LRRC37B: variants seen among roughly 807,000 people sequenced by gnomAD.
LRRC37B encodes leucine-rich repeat-containing protein 37B.
Under a neutral mutation model 98.3 loss-of-function variants are expected in LRRC37B, and 28 were observed. The ratio of observed to expected loss-of-function variants is 0.28; its 90% CI spans 0.21 to 0.39. LRRC37B has a LOEUF of 0.39. LRRC37B is among the 10% of genes least tolerant of loss of function. LRRC37B has a pLI of 1.00. For synonymous variants in LRRC37B, 364 were observed against 442.7 expected, an observed-to-expected ratio of 0.82 and a Z score of 2.23; for missense variants, 938 against 1,182.7, an observed-to-expected ratio of 0.79 and a Z score of 3.03.
chr17:32,007,887 G>A, upstream of LRRC37B: 1 of 983,256 alleles, frequency 1.0e-6, no homozygotes. This position sits in a 1 kb window ranked among gnomAD's most constrained non-coding sequence, Gnocchi z 4.1. Context: ...GGGCGCGGGG[G>A]CAGCCACCTA....
exon 1 of LRRC37B, chr17:32,021,216 G>A: frequency 6.2e-7 from 1 of 1,612,850 alleles, no homozygotes; most frequent in Middle Eastern, 2.0e-4. Flanking sequence ...ACTAGTCAAG[G>A]AGGCTCAGCC....
At position 32,026,281 on chromosome 17, in the gene LRRC37B, G is replaced by A. The variant is rs535603298; in HGVS notation, c.1833-1488G>A. ...TGTAACCCCAGCACCTCGGGAGTTC[G>A]AGGCAGGTGGATCACCTGAAGTCGG... On this transcript the variant is annotated intron_variant, in intron 2 of 11. Coordinates refer to ENST00000327564, the Ensembl canonical transcript of LRRC37B. 3.7e-3 allele frequency among the ~76,000 whole-genome samples: 570 copies of A among 152,276 alleles called. 2 individuals carry two copies. The highest frequency in any genetic ancestry group is 6.0e-3 in the Non-Finnish European group (406 of 68,012).
chr17:32,012,374 T>A (rs1161897103), intron 1 of LRRC37B, among the ~76,000 whole-genome samples: 1 of 152,222 alleles, frequency 6.6e-6, no homozygotes, highest in Non-Finnish European at 1.5e-5. Flanking sequence ...ATTTGACCCC[T>A]TTATCATTCT....
At chr17:32,024,806 G>C (rs760376071) in intron 2 of LRRC37B, 24 bp downstream of exon 5, 2 of 1,596,030 alleles carry the variant, frequency 1.3e-6, no homozygotes, top group Non-Finnish European at 1.7e-6. Flanking sequence ...CTCCAAATAT[G>C]ACAAAAAACT....
intron 7 of LRRC37B, among the ~76,000 whole-genome samples, chr17:32,043,065 TA>T (rs1320000469): frequency 1.3e-5 from 2 of 152,062 alleles, no homozygotes; most frequent in Non-Finnish European, 2.9e-5. Context: ...GAAGGGTCAT[TA>T]TGTCTGCAAC....
At chr17:32,022,595 A>G (rs1311904394) in exon 1 of LRRC37B, 1 of 1,613,998 alleles carries the variant, frequency 6.2e-7, no homozygotes. Flanking sequence ...CTCTGCATCG[A>G]AGCCTGACTG....
At chr17:32,022,050 G>A in exon 1 of LRRC37B, 2 of 1,613,950 alleles carry the variant, frequency 1.2e-6, no homozygotes, top group Non-Finnish European at 1.7e-6. Flanking sequence ...AACCCAGCAG[G>A]AGGCCCCAGC....
At chr17:32,016,308 C>T (rs1246415232), upstream of LRRC37B, among the ~76,000 whole-genome samples, 1 of 152,184 alleles carries the variant, frequency 6.6e-6, no homozygotes, top group Non-Finnish European at 1.5e-5. Flanking sequence ...GAAATTCACT[C>T]CCTTAACCTG....
At chr17:32,021,854 C>T (rs553088945) in exon 1 of LRRC37B, 1 of 1,614,208 alleles carries the variant, frequency 6.2e-7, no homozygotes. Context: ...ATCCCGGCAG[C>T]CTACCTCCAG....
At chr17:32,032,496 T>C (rs1312292732) in intron 5 of LRRC37B, among the ~76,000 whole-genome samples, 1 of 151,364 alleles carries the variant, frequency 6.6e-6, no homozygotes, top group Non-Finnish European at 1.5e-5. Context: ...CAAATCAGAG[T>C]GGGTATATTC....
At chr17:32,013,974 T>C (rs1470797012) in intron 1 of LRRC37B, among the ~76,000 whole-genome samples, 1 of 152,148 alleles carries the variant, frequency 6.6e-6, no homozygotes, top group Non-Finnish European at 1.5e-5. Flanking sequence ...CAAACATCCC[T>C]CTTACATGTG....
At chr17:32,008,491 T>G (rs532624717) in intron 1 of LRRC37B, among the ~76,000 whole-genome samples, 1 of 152,324 alleles carries the variant, frequency 6.6e-6, no homozygotes, top group African/African-American at 2.4e-5. Context: ...TGTTTTGGTG[T>G]GGTTTTCTGG....
chr17:32,040,336 G>T (rs1045061575), intron 7 of LRRC37B: 8 of 375,510 alleles, frequency 2.1e-5, no homozygotes, highest in Admixed American at 1.2e-4. Context: ...CGCAGAGCTG[G>T]CAAGCACGTG....
rs1911540034 is a variant in LRRC37B, at chr17:32,045,236, TA to T, written c.2205-463del. Among the ~76,000 whole-genome samples the T allele has an allele frequency of 3.3e-5, 5 of 152,154 alleles. No individual in the cohort carries two copies. In the South Asian group the frequency reaches 1.0e-3, roughly 32 times the overall value. On this transcript the variant is annotated intron_variant, in intron 7 of 11. Coordinates refer to ENST00000327564, the Ensembl canonical transcript of LRRC37B. ...CAGATTTGGCCAATGCAATCTCCGT[TA>T]TTTTTTTTAACCCCACAATCCAGGT...
At chr17:32,044,376 C>A (rs1420519324) in intron 7 of LRRC37B, among the ~76,000 whole-genome samples, 2 of 152,122 alleles carry the variant, frequency 1.3e-5, no homozygotes, top group African/African-American at 4.8e-5. Context: ...TTTTTTTGAT[C>A]TTTCATGACA....
chr17:32,022,943 C>G (rs1910844826), intron 1 of LRRC37B, 118 bp downstream of exon 4: 12 of 954,400 alleles, frequency 1.3e-5, no homozygotes, highest in Non-Finnish European at 1.8e-5. Flanking sequence ...TGACTTTCTG[C>G]TTTCACCTTT....
Position 32,022,254 on chromosome 17 carries a change from C to T in LRRC37B, c.1189C>T (p.Pro397Ser), listed in dbSNP as rs540970232. ...ATCTACCCAAGCCCAGCAGGAGGCC[C>T]CAATTCAGCCTCCCGAGGAGGCGGA... The change falls in exon 1 of 12, where the codon CCA (proline) becomes TCA (serine). Residue 397 changes from proline (P) to serine (S), a missense_variant. Pro to Ser is a moderately conservative substitution (Grantham distance 74). Around this residue, in one of 2 missense-constraint regions of LRRC37B, gnomAD observed 610 missense variants for 625.6 expected, o/e 0.98. Coordinates refer to ENST00000327564, the Ensembl canonical transcript of LRRC37B. The T allele has an allele frequency of 1.2e-6, 2 of 1,613,976 alleles. No homozygotes were observed. Among genetic ancestry groups the T allele is most frequent in the Admixed American group, 3.3e-5 (2 of 60,014 alleles).
At chr17:32,044,617 C>T (rs1377334604) in intron 7 of LRRC37B, among the ~76,000 whole-genome samples, 1 of 152,152 alleles carries the variant, frequency 6.6e-6, no homozygotes, top group African/African-American at 2.4e-5. Flanking sequence ...TGGTGGCTCA[C>T]ACTTGTAATC....
rs1911231182 is a variant in LRRC37B at position 32,035,791 on chromosome 17, T to A, written c.2204+152T>A. On this transcript the variant is annotated intron_variant, in intron 7 of 11. Transcript: ENST00000327564. ...TTGATGAGTTTTGACAAATGTATAG[T>A]TACATAACCACCACCACATTCCCAA... 7.5e-6 allele frequency: 6 copies of A among 796,150 alleles called. No individual in the cohort carries two copies. In the East Asian group the frequency reaches 1.6e-4, roughly 22 times the overall value. 49.3% of individuals were successfully genotyped at this position (796,150 alleles called of 1,614,324 possible).
Sources: allele counts gnomAD v4.1 joint callset (sites outside exome capture counted in the v4.1 genomes callset), GRCh38; gene constraint gnomAD v4.1.1; regional missense constraint gnomAD v4.1.1; non-coding constraint Gnocchi (gnomAD v3.1); transcripts MANE v1.5; gene names NCBI Gene and HGNC (gene_info 2026-07-23, HGNC 2026-07-21).